EYA1: variants seen among roughly 807,000 people sequenced by gnomAD.
EYA1 encodes the protein EYA transcriptional coactivator and phosphatase 1.
Under a neutral mutation model 82.0 loss-of-function variants are expected in EYA1, and 16 were observed. The ratio of observed to expected loss-of-function variants is 0.20; its 90% CI spans 0.13 to 0.30. The LOEUF (loss-of-function observed/expected upper bound fraction) is 0.30, where lower values mean the gene tolerates loss of function less well. EYA1 is among the 10% of genes least tolerant of loss of function. The pLI, the probability that EYA1 is intolerant of heterozygous loss-of-function variation, is 1.00. For synonymous variants in EYA1, 261 were observed against 264.4 expected (o/e 0.99, Z 0.12); for missense variants, 633 against 730.7 (o/e 0.87, Z 1.54).
At chr8:71,399,637 CAG>C (rs1221983357) in intron 2 of EYA1, among the ~76,000 whole-genome samples, 1 of 152,026 alleles carries the variant, frequency 6.6e-6, no homozygotes, top group Non-Finnish European at 1.5e-5. Flanking sequence ...TCAAGGAAAT[CAG>C]AGAGGACACA....
rs555951689 is a variant in EYA1 at position 71,399,134 on chromosome 8, G to A, written c.34-42623C>T. 2.0e-5 allele frequency among the ~76,000 whole-genome samples: 3 copies of A among 152,310 alleles called. No homozygotes were observed. In the South Asian group the frequency reaches 6.2e-4, roughly 32 times the overall value. ...ATCTCCTGGTGTGCCGTTTGCTAAG[G>A]CAGTTGGAAAACCGCAGTATTAGGG... On this transcript the variant is annotated intron_variant, in intron 2 of 18. Transcript: ENST00000643681.
upstream of EYA1, among the ~76,000 whole-genome samples, chr8:71,363,038 C>T (rs115493158): frequency 6.6e-6 from 1 of 152,056 alleles, no homozygotes; most frequent in Non-Finnish European, 1.5e-5. Flanking sequence ...TCGTTGTAAC[C>T]AATTTTGTGC....
chr8:71,545,174 C>G (rs894198039), intron 1 of EYA1, among the ~76,000 whole-genome samples: 1 of 152,204 alleles, frequency 6.6e-6, no homozygotes, highest in African/African-American at 2.4e-5. Flanking sequence ...TCTGAACCTG[C>G]TTTTTCATCA....
chr8:71,283,386 T>G (rs940538025), intron 9 of EYA1, among the ~76,000 whole-genome samples: 1 of 152,232 alleles, frequency 6.6e-6, no homozygotes, highest in Non-Finnish European at 1.5e-5. Context: ...TTCCAGCCAC[T>G]CTGCCAGATG....
intron 11 of EYA1, among the ~76,000 whole-genome samples, chr8:71,258,808 G>C (rs942091896): frequency 6.6e-6 from 1 of 152,178 alleles, no homozygotes; most frequent in African/African-American, 2.4e-5. Flanking sequence ...TGTGAAAACT[G>C]TTTTGAAGGC....
intron 2 of EYA1, among the ~76,000 whole-genome samples, chr8:71,512,408 A>C (rs1812670015): frequency 6.6e-6 from 1 of 152,096 alleles, no homozygotes; most frequent in Non-Finnish European, 1.5e-5. Flanking sequence ...AAGAAAAAAA[A>C]AGCTCAGATG....
chr8:71,393,951 A>T (rs1223094253), intron 2 of EYA1, among the ~76,000 whole-genome samples: 1 of 151,544 alleles, frequency 6.6e-6, no homozygotes, highest in African/African-American at 2.4e-5. Flanking sequence ...CCTCTCCAGC[A>T]TCTGTTTCCT....
chr8:71,514,087 A>T lies in EYA1; in HGVS notation c.33+21657T>A, dbSNP rs143557265. Among the ~76,000 whole-genome samples, 13 of 152,262 alleles carry T rather than the reference A, an allele frequency of 8.5e-5. No homozygotes were observed. In the East Asian group the frequency reaches 2.3e-3, roughly 27 times the overall value. ...CCTGGCTATTATGAACAGGGCTGTA[A>T]CAAACATGAGAGTGCAGATATCTCT... On this transcript the variant is annotated intron_variant, in intron 2 of 18. Coordinates refer to the EYA1 transcript ENST00000643681.
chr8:71,285,787 C>G (rs1411102102), intron 9 of EYA1, among the ~76,000 whole-genome samples: 1 of 152,136 alleles, frequency 6.6e-6, no homozygotes, highest in Non-Finnish European at 1.5e-5. Flanking sequence ...TTCTCTGGTT[C>G]TTATTGTTTT....
rs567430709 is a variant in EYA1, at chr8:71,489,583, T to G, written c.33+46161A>C. ...ACTTGGGCCTGGCCCATGTATGTTT[T>G]TGAACAGTTCTAGGTAGACAGCAGA... is the stretch of plus-strand genomic sequence containing the variant. On this transcript the variant is annotated intron_variant, in intron 2 of 18. Coordinates refer to the EYA1 transcript ENST00000643681. Among the ~76,000 whole-genome samples the G allele has an allele frequency of 2.6e-5, 4 of 152,360 alleles. No individual in the cohort carries two copies. The South Asian group carries it at 8.3e-4, about 32-fold the overall frequency.
intron 12 of EYA1, among the ~76,000 whole-genome samples, chr8:71,224,989 T>A (rs1277841934): frequency 6.6e-6 from 1 of 152,252 alleles, no homozygotes; most frequent in East Asian, 1.9e-4. Flanking sequence ...AGAAACTGGC[T>A]TCCAACTAGC....
chr8:71,317,567 T>C lies in EYA1; in HGVS notation c.541A>G (p.Ser181Gly), dbSNP rs1022352668. Residue 181 changes from serine to glycine, a missense_variant, in exon 7 of 18, where the codon AGC becomes GGC. By Grantham distance (56) the Ser-to-Gly change is moderately conservative. Transcript: ENST00000340726. ...STPQPGQAPYSYQMQGSSFTT... is the reference protein window; with the variant it reads ...STPQPGQAPYGYQMQGSSFTT... ...ATATACAGACCTTGCATCTGGTAGC[T>C]GTATGGTGCCTGTCCAGGTTGAGGG... is the stretch of plus-strand genomic sequence containing the variant. 2 of 1,614,034 alleles carry C rather than the reference T, an allele frequency of 1.2e-6. No homozygotes were observed. The highest frequency in any genetic ancestry group is 1.7e-6 in the Non-Finnish European group (2 of 1,180,016).
At chr8:71,204,628 T>G (rs1319536057) in intron 17 of EYA1, among the ~76,000 whole-genome samples, 1 of 152,188 alleles carries the variant, frequency 6.6e-6, no homozygotes, top group African/African-American at 2.4e-5. Flanking sequence ...TGGACTGATA[T>G]AGAATAACTG....
chr8:71,394,770 T>G (rs1471188394), intron 2 of EYA1, among the ~76,000 whole-genome samples: 3 of 152,228 alleles, frequency 2.0e-5, no homozygotes, highest in Admixed American at 2.0e-4. Context: ...GTCTTGGCAA[T>G]GAGGGCTCTT....
chr8:71,424,726 C>T (rs1586691188), intron 2 of EYA1, among the ~76,000 whole-genome samples: 1 of 152,104 alleles, frequency 6.6e-6, no homozygotes, highest in African/African-American at 2.4e-5. Context: ...GAACTTTCTG[C>T]TTGCTAAGGT....
chr8:71,309,478 CTTCAAT>C (rs1821100412), intron 7 of EYA1, among the ~76,000 whole-genome samples: 1 of 152,174 alleles, frequency 6.6e-6, no homozygotes, highest in Non-Finnish European at 1.5e-5. Flanking sequence ...AATAGCTATT[CTTCAAT>C]TTCATTTTAC....
rs1157553888 is a variant in EYA1 at position 71,477,986 on chromosome 8, A to G, written c.33+57758T>C. Among the ~76,000 whole-genome samples the G allele has an allele frequency of 2.0e-5, 3 of 152,184 alleles. No homozygotes were observed. The East Asian group carries it at 5.8e-4, about 29-fold the overall frequency. On this transcript the variant is annotated intron_variant, in intron 2 of 18. Transcript: ENST00000643681. ...GTCAAAGAAGCCAGACACAAAGGCCATAGATACACAAAGTAGATGAGTGGT... is the reference window on the plus strand; with the variant it reads ...GTCAAAGAAGCCAGACACAAAGGCCGTAGATACACAAAGTAGATGAGTGGT...
intron 3 of EYA1, among the ~76,000 whole-genome samples, chr8:71,335,439 TA>T (rs1263539525): frequency 6.6e-6 from 1 of 152,152 alleles, no homozygotes; most frequent in Non-Finnish European, 1.5e-5. Flanking sequence ...AGTCACTTTT[TA>T]AAAAAATAAT....
intron 11 of EYA1, among the ~76,000 whole-genome samples, chr8:71,260,124 C>A (rs1391589506): frequency 6.6e-6 from 1 of 152,146 alleles, no homozygotes; most frequent in African/African-American, 2.4e-5. Context: ...TTTATGCACC[C>A]TTGCACATTT....
Sources: allele counts gnomAD v4.1 joint callset (sites outside exome capture counted in the v4.1 genomes callset), GRCh38; gene constraint gnomAD v4.1.1; transcripts MANE v1.5; gene names NCBI Gene and HGNC (gene_info 2026-07-23, HGNC 2026-07-21).